The following TAF2 variants were observed in gnomAD, a reference collection of about 807,000 sequenced individuals.
TAF2 encodes transcription initiation factor TFIID subunit 2.
Under a neutral mutation model 138.5 loss-of-function variants are expected in TAF2, and 61 were observed. That is an observed-to-expected ratio of 0.44 (90% CI 0.36 to 0.54). The LOEUF (loss-of-function observed/expected upper bound fraction) is 0.54. Among genes scored for constraint, TAF2 ranks in the 20% least tolerant of loss-of-function variants. The pLI, the probability that TAF2 is intolerant of heterozygous loss-of-function variation, is 0.00. For missense variants in TAF2, 1,090 were observed against 1,427.9 expected (o/e 0.76, Z 3.81); for synonymous variants, 475 against 469.9 (o/e 1.01, Z -0.14).
chr8:119,781,437 G>A (rs1177639255), intron 16 of TAF2, among the ~76,000 whole-genome samples: 2 of 152,066 alleles, frequency 1.3e-5, no homozygotes, highest in East Asian at 3.9e-4. Flanking sequence ...CAGCACTTTG[G>A]GAAGCCGAGG....
rs571049977 is a variant in TAF2 at position 119,826,053 on chromosome 8, T to C, written c.138+5624A>G. Among the ~76,000 whole-genome samples, 26 of 150,780 alleles carry C rather than the reference T, an allele frequency of 1.7e-4. No individual in the cohort carries two copies. The South Asian group carries it at 2.1e-3, about 12-fold the overall frequency. On this transcript the variant is annotated intron_variant, in intron 2 of 25. Transcript: ENST00000378164. ...ACATGTTCTCACTCATAAGTGGGAG[T>C]TGAATAATGAGAACACATGGACACA...
intron 3 of TAF2, among the ~76,000 whole-genome samples, chr8:119,816,527 T>C (rs1264520496): frequency 2.0e-5 from 3 of 152,232 alleles, no homozygotes; most frequent in Admixed American, 2.0e-4. Context: ...CACTTTTAAT[T>C]TCAAAACTGC....
chr8:119,817,482 G>A (rs1825555581), intron 3 of TAF2, among the ~76,000 whole-genome samples: 1 of 152,126 alleles, frequency 6.6e-6, no homozygotes, highest in African/African-American at 2.4e-5. Flanking sequence ...CTGGTCCGTG[G>A]AAAAACTGTC....
intron 18 of TAF2, among the ~76,000 whole-genome samples, chr8:119,766,518 G>C (rs928392163): frequency 6.6e-6 from 1 of 152,160 alleles, no homozygotes; most frequent in African/African-American, 2.4e-5. Flanking sequence ...GACGACTTAT[G>C]GTGGCTCACA....
chr8:119,793,593 G>A, intron 9 of TAF2, 142 bp from the exon 10 acceptor site: 1 of 678,844 alleles, frequency 1.5e-6, no homozygotes, highest in Non-Finnish European at 2.5e-6. Context: ...TGTATTTAAA[G>A]AGTAGTTTAT....
chr8:119,794,440 T>C (rs1290137942), intron 9 of TAF2, among the ~76,000 whole-genome samples: 5 of 149,868 alleles, frequency 3.3e-5, no homozygotes, highest in African/African-American at 1.2e-4. Context: ...ACTACCACAA[T>C]TGTGCTGGAA....
intron 20 of TAF2, 65 bp downstream of exon 20, chr8:119,760,534 C>A: frequency 6.3e-7 from 1 of 1,583,020 alleles, no homozygotes; most frequent in Admixed American, 1.7e-5. Context: ...ACCCCAACAA[C>A]ACTGGCTTTA....
intron 9 of TAF2, 128 bp downstream of exon 9, chr8:119,795,404 A>G: frequency 1.2e-6 from 1 of 835,878 alleles, no homozygotes; most frequent in Non-Finnish European, 2.0e-6. Context: ...AGTCTTTCTC[A>G]GTAAATCAAT....
At chr8:119,776,643 C>T (rs991074512) in intron 18 of TAF2, among the ~76,000 whole-genome samples, 2 of 151,552 alleles carry the variant, frequency 1.3e-5, no homozygotes, top group African/African-American at 4.9e-5. Flanking sequence ...GAGCCGAGAT[C>T]GCGCCACTGC....
chr8:119,822,422 T>G (rs1825855179), intron 2 of TAF2, among the ~76,000 whole-genome samples: 1 of 151,984 alleles, frequency 6.6e-6, no homozygotes, highest in Non-Finnish European at 1.5e-5. Context: ...ACGGGTCTTA[T>G]CATGTTGCCC....
intron 2 of TAF2, among the ~76,000 whole-genome samples, chr8:119,822,228 T>C (rs932583338): frequency 6.6e-6 from 1 of 151,938 alleles, no homozygotes; most frequent in African/African-American, 2.4e-5. Context: ...CTTTTTTTTT[T>C]CTTTTTTTTC....
chr8:119,766,679 C>G (rs1821443075), intron 18 of TAF2, among the ~76,000 whole-genome samples: 1 of 151,696 alleles, frequency 6.6e-6, no homozygotes, highest in South Asian at 2.1e-4. Context: ...GAGTGTGGTA[C>G]AAAAATTAGC....
At chr8:119,812,085 T>C (rs1825110546) in intron 3 of TAF2, among the ~76,000 whole-genome samples, 1 of 152,096 alleles carries the variant, frequency 6.6e-6, no homozygotes, top group Admixed American at 6.5e-5. Context: ...GCACGCAAGT[T>C]TTTAAAGACA....
At chr8:119,750,384 C>G (rs1820269012) in intron 22 of TAF2, among the ~76,000 whole-genome samples, 1 of 152,092 alleles carries the variant, frequency 6.6e-6, no homozygotes, top group Admixed American at 6.6e-5. Context: ...ACTAAAAAAG[C>G]TGCTAAGAAG....
At chr8:119,802,255 C>T (rs540781852) in intron 5 of TAF2, among the ~76,000 whole-genome samples, 152 of 152,252 alleles carry the variant, frequency 1.0e-3, no homozygotes, top group African/African-American at 3.5e-3. Flanking sequence ...ACCATCAGTT[C>T]AAACCCTAAA....
intron 9 of TAF2, 78 bp from the exon 10 acceptor site, chr8:119,793,529 CTGTG>C: frequency 1.0e-6 from 1 of 978,090 alleles, no homozygotes; most frequent in Non-Finnish European, 1.6e-6. Context: ...TAGAATTAAA[CTGTG>C]AATTCTCATT....
At chr8:119,776,410 C>T (rs191337520) in intron 18 of TAF2, among the ~76,000 whole-genome samples, 112 of 146,662 alleles carry the variant, frequency 7.6e-4, no homozygotes, top group Admixed American at 1.2e-3. Flanking sequence ...TGGCCGGGCA[C>T]GGTGGCTCAT....
At position 119,788,315 on chromosome 8, in the gene TAF2, T is replaced by C; in HGVS notation, c.1793+23A>G. 3 of 1,583,476 alleles carry C rather than the reference T, an allele frequency of 1.9e-6. No homozygotes were observed. In the South Asian group the frequency reaches 3.3e-5, roughly 17 times the overall value. Reference sequence around the variant, plus strand: ...GAGATTTGTAGTTTAACTTTCAATTTATAGTTATTATGTAATGCCTACCTT... The same window carrying C: ...GAGATTTGTAGTTTAACTTTCAATTCATAGTTATTATGTAATGCCTACCTT... On this transcript the variant is annotated intron_variant, in intron 14 of 25. Coordinates refer to ENST00000378164, the MANE Select transcript of TAF2 (RefSeq NM_003184.4).
chr8:119,785,644 C>T (rs1021128605), intron 14 of TAF2, among the ~76,000 whole-genome samples: 1 of 152,142 alleles, frequency 6.6e-6, no homozygotes, highest in Non-Finnish European at 1.5e-5. Context: ...TAATTCTGAG[C>T]TGTCAGCTGC....
Sources: gnomAD v4.1 joint callset for allele counts (sites outside exome capture counted in the v4.1 genomes callset) on GRCh38, gnomAD v4.1.1 for gene constraint, MANE v1.5 for transcripts, NCBI Gene and HGNC (gene_info 2026-07-23, HGNC 2026-07-21) for gene names.